MIB1: variants seen among roughly 807,000 people sequenced by gnomAD.
MIB1 encodes E3 ubiquitin-protein ligase MIB1.
A neutral mutation model predicts 124.5 loss-of-function variants in MIB1; 278 were observed. That is an observed-to-expected ratio of 2.23 (90% CI 2.02 to 2.47). The LOEUF is 2.47. MIB1 is among the 30% of genes most tolerant of loss of function. The pLI is 0.00. For missense variants in MIB1, 957 were observed against 1,254.4 expected (o/e 0.76, Z 3.58); for synonymous variants, 446 against 429.4 (o/e 1.04, Z -0.48).
chr18:21,759,819 A>G (rs970806085), intron 1 of MIB1, among the ~76,000 whole-genome samples: 1 of 152,230 alleles, frequency 6.6e-6, no homozygotes, highest in African/African-American at 2.4e-5. Flanking sequence ...CTACCCAGAA[A>G]TTTAACATTT....
intron 1 of MIB1, among the ~76,000 whole-genome samples, chr18:21,711,702 T>C (rs1386631830): frequency 3.9e-5 from 6 of 152,264 alleles, no homozygotes; most frequent in Middle Eastern, 6.8e-3. Context: ...CTTTCTTTCT[T>C]TTTATTTTTT....
intron 1 of MIB1, among the ~76,000 whole-genome samples, chr18:21,724,727 A>AAT (rs60650753): frequency 0.036 from 623 of 17,370 alleles, 29 homozygotes; most frequent in East Asian, 0.05. Flanking sequence ...AAAAAAAAAA[A>AAT]ATATATATAT....
chr18:21,754,630 G>A (rs1423844564), intron 1 of MIB1, among the ~76,000 whole-genome samples: 1 of 152,178 alleles, frequency 6.6e-6, no homozygotes, highest in Non-Finnish European at 1.5e-5. Context: ...AAGTAAAAAG[G>A]TGAAAGTTCT....
chr18:21,853,719 TAA>T (rs936767677), intron 18 of MIB1, among the ~76,000 whole-genome samples: 6 of 152,160 alleles, frequency 3.9e-5, no homozygotes, highest in African/African-American at 1.4e-4. Context: ...AGGGCAGTAT[TAA>T]AATTTAAAAA....
chr18:21,782,729 A>G (rs2041384688), intron 6 of MIB1, among the ~76,000 whole-genome samples: 1 of 152,152 alleles, frequency 6.6e-6, no homozygotes, highest in African/African-American at 2.4e-5. Flanking sequence ...TGATGAGAAC[A>G]GTGTGTATTC....
rs1568206305 is a variant in MIB1 at position 21,798,069 on chromosome 18, A to G, written c.1093-15A>G. 7 of 1,611,624 alleles carry G rather than the reference A, an allele frequency of 4.3e-6. No individual in the cohort carries two copies. The highest frequency in any genetic ancestry group is 3.3e-5 in the Admixed American group (2 of 59,846). On this transcript the variant is annotated splice_polypyrimidine_tract_variant and intron_variant, in intron 7 of 20. Coordinates refer to ENST00000261537, the MANE Select transcript of MIB1 (RefSeq NM_020774.4). ...ACTTTAGACTTGGAAACATGAATCT[A>G]TTTTTTTCCCCAAGACTTTAGGTAA...
chr18:21,856,864 C>A (rs1269548015), intron 18 of MIB1, among the ~76,000 whole-genome samples: 2 of 152,108 alleles, frequency 1.3e-5, no homozygotes. Context: ...TCACTTATTT[C>A]TTTAAAAAAC....
intron 12 of MIB1, chr18:21,829,050 T>A: frequency 2.1e-6 from 1 of 484,218 alleles, no homozygotes; most frequent in Non-Finnish European, 4.3e-6. Flanking sequence ...CATTGTATGT[T>A]CATATGGGTA....
At chr18:21,734,483 TCTC>T (rs2040786660) in intron 1 of MIB1, among the ~76,000 whole-genome samples, 2 of 14,652 alleles carry the variant, frequency 1.4e-4, no homozygotes, top group African/African-American at 3.8e-4. Flanking sequence ...TCTCTTTCTC[TCTC>T]TCTCTCTCTC....
upstream of MIB1, among the ~76,000 whole-genome samples, chr18:21,738,862 A>C (rs1304843715): frequency 2.1e-5 from 3 of 144,752 alleles, no homozygotes; most frequent in African/African-American, 5.1e-5. Flanking sequence ...AAAAAAAAAA[A>C]AAAAACCAAC....
chr18:21,763,083 T>A (rs1357868547), intron 1 of MIB1, among the ~76,000 whole-genome samples: 1 of 151,856 alleles, frequency 6.6e-6, no homozygotes, highest in Admixed American at 6.6e-5. Context: ...TTTTTTTTTT[T>A]AAATGAAGTT....
At chr18:21,820,790 A>G (rs1357380869) in intron 12 of MIB1, among the ~76,000 whole-genome samples, 2 of 152,354 alleles carry the variant, frequency 1.3e-5, no homozygotes, top group Non-Finnish European at 2.9e-5. Flanking sequence ...TTACACGTGA[A>G]GAATATGAGG....
intron 6 of MIB1, among the ~76,000 whole-genome samples, chr18:21,788,627 T>C (rs2146439071): frequency 6.6e-6 from 1 of 152,146 alleles, no homozygotes; most frequent in South Asian, 2.1e-4. Context: ...AGCAACTAGG[T>C]AAGAAAAAGA....
In MIB1 at chr18:21,744,453, C is replaced by T. The variant is rs149051637; in HGVS notation, c.229+2641C>T. Among the ~76,000 whole-genome samples the T allele has an allele frequency of 3.5e-3, 536 of 152,182 alleles. 3 individuals are homozygous for T. Among genetic ancestry groups the T allele is most frequent in the Non-Finnish European group, 5.3e-3 (358 of 68,004 alleles). On this transcript the variant is annotated intron_variant, in intron 1 of 20. Transcript: ENST00000261537. ...CAAAACCAGAAAATTAACACTAATA[C>T]GGTAATACTGTATTAACTAATCTAT...
chr18:21,836,970 G>C (rs2042038848), intron 12 of MIB1, among the ~76,000 whole-genome samples: 1 of 152,098 alleles, frequency 6.6e-6, no homozygotes. Flanking sequence ...ACTAGTGACT[G>C]AAAACAAAAG....
At chr18:21,739,035 C>A (rs1039856337), upstream of MIB1, among the ~76,000 whole-genome samples, 1 of 151,540 alleles carries the variant, frequency 6.6e-6, no homozygotes, top group Admixed American at 6.6e-5. Flanking sequence ...CATAGATAGA[C>A]CACTAGCCAG....
intron 1 of MIB1, among the ~76,000 whole-genome samples, chr18:21,742,684 A>G (rs1038948003): frequency 6.6e-6 from 1 of 152,180 alleles, no homozygotes; most frequent in Non-Finnish European, 1.5e-5. Flanking sequence ...TCATTTTCAT[A>G]TAGATTCATC....
intron 2 of MIB1, 69 bp from the exon 3 acceptor site, chr18:21,768,554 T>C: frequency 8.8e-7 from 1 of 1,131,264 alleles, no homozygotes; most frequent in Non-Finnish European, 1.2e-6. Context: ...TTTTATAATT[T>C]TGTTTTAAAA....
chr18:21,763,171 A>G (rs549779085), intron 1 of MIB1, among the ~76,000 whole-genome samples: 74 of 152,222 alleles, frequency 4.9e-4, no homozygotes, highest in Admixed American at 1.8e-3. Context: ...CTTAATTTAT[A>G]GATGAGAATA....
Sources: gnomAD v4.1 joint callset for allele counts (sites outside exome capture counted in the v4.1 genomes callset) on GRCh38, gnomAD v4.1.1 for gene constraint, MANE v1.5 for transcripts, NCBI Gene and HGNC (gene_info 2026-07-23, HGNC 2026-07-21) for gene names.